Variants in PTAR1 observed in about 807,000 individuals in gnomAD.
The protein encoded by PTAR1 is protein prenyltransferase alpha subunit repeat containing 1, also known as protein prenyltransferase alpha subunit repeat-containing protein 1.
In PTAR1, 17 loss-of-function variants were observed where a neutral mutation model predicts 45.5. That is an observed-to-expected ratio of 0.37 (90% CI 0.26 to 0.56). The LOEUF (loss-of-function observed/expected upper bound fraction) is 0.56, where lower values mean the gene tolerates loss of function less well. Ranked by LOEUF, PTAR1 falls within the 20% of genes least tolerant of loss-of-function variation. The probability of loss-of-function intolerance (pLI) is 0.77; values close to 1 mark genes in which losing one functional copy is unlikely to be tolerated. For missense variants in PTAR1, 391 were observed against 476.3 expected (o/e 0.82, Z 1.67); for synonymous variants, 169 against 171.3 (o/e 0.99, Z 0.11).
Position 69,716,895 on chromosome 9 carries a change from C to T in PTAR1, c.*1447G>A, listed in dbSNP as rs1032680540. On this transcript the variant is annotated 3_prime_UTR_variant, in exon 8 of 8. Coordinates refer to ENST00000340434, the MANE Select transcript of PTAR1 (RefSeq NM_001099666.2). ...CCTGAAGTAAGAAAGGAAAGGTATA[C>T]AAAAATGACACACAAAAGTGACAAA... is the stretch of plus-strand genomic sequence containing the variant. 3 of 151,946 alleles carry T rather than the reference C, an allele frequency of 2.0e-5. No homozygotes were observed. The highest frequency in any genetic ancestry group is 4.4e-5 in the Non-Finnish European group (3 of 67,972). The allele number at this position is 151,946 out of a possible 1,614,324, so 9.4% of individuals were successfully genotyped here. A position where few individuals can be genotyped will look rare whatever the true frequency, so the allele number is the denominator to read the frequency against.
At chr9:69,730,003 A>G (rs1487696556) in intron 5 of PTAR1, among the ~76,000 whole-genome samples, 1 of 152,104 alleles carries the variant, frequency 6.6e-6, no homozygotes, top group Non-Finnish European at 1.5e-5. Context: ...GGCTCATTTC[A>G]TATATATTTT....
rs1007754251 is a variant in PTAR1 at position 69,759,776 on chromosome 9, C to A, written c.86+77G>T. 4.3e-6 allele frequency: 6 copies of A among 1,392,414 alleles called. No homozygotes were observed. In the African/African-American group the frequency reaches 9.4e-5, roughly 22 times the overall value. 86.3% of individuals were successfully genotyped at this position (1,392,414 alleles called of 1,614,324 possible). ...CAGGACCCGCTGTCCGCCCGCCGCC[C>A]GAGGTCGGGTGGACGCTTGGCCCCG... On this transcript the variant is annotated intron_variant, in intron 1 of 7. Coordinates refer to ENST00000340434, the MANE Select transcript of PTAR1 (RefSeq NM_001099666.2).
At chr9:69,750,711 G>T in intron 2 of PTAR1, 70 bp downstream of exon 2, 1 of 1,105,952 alleles carries the variant, frequency 9.0e-7, no homozygotes, top group Non-Finnish European at 1.3e-6. Flanking sequence ...GACACTCAGA[G>T]AAGGGCTCTT....
intron 3 of PTAR1, among the ~76,000 whole-genome samples, chr9:69,735,451 T>C (rs934483652): frequency 2.0e-5 from 3 of 152,202 alleles, no homozygotes; most frequent in Non-Finnish European, 4.4e-5. Flanking sequence ...AGTCTGAACA[T>C]GTTCGCTACA....
chr9:69,759,971 T>G lies in PTAR1; in HGVS notation c.-33A>C. The G allele has an allele frequency of 2.1e-6, 3 of 1,442,698 alleles. No individual in the cohort carries two copies. The highest frequency in any genetic ancestry group is 2.8e-6 in the Non-Finnish European group (3 of 1,089,562). The allele number at this position is 1,442,698 out of a possible 1,614,324, so 89.4% of individuals were successfully genotyped here. On this transcript the variant is annotated 5_prime_UTR_variant, in exon 1 of 8. Transcript: ENST00000340434. ...GCGGCCGCGACAGTTCGGGCGCGCC[T>G]CCGCGTGAGCCGGGCCGCCGGCGGG...
intron 3 of PTAR1, among the ~76,000 whole-genome samples, chr9:69,735,299 A>G (rs1233061454): frequency 2.0e-5 from 3 of 152,200 alleles, no homozygotes; most frequent in Non-Finnish European, 4.4e-5. Context: ...CAAGTCCTTG[A>G]TATAAAATGT....
At chr9:69,718,596 T>TC (rs920865234) in intron 7 of PTAR1, 28 bp from the exon 8 acceptor site, 1 of 1,613,130 alleles carries the variant, frequency 6.2e-7, no homozygotes, top group Non-Finnish European at 8.5e-7. Flanking sequence ...TCACTCAAAG[T>TC]CCCCCCAGGG....
rs914950547 is a variant in PTAR1, at chr9:69,713,275, G to T, written c.*5067C>A. The T allele has an allele frequency of 1.3e-5, 2 of 151,958 alleles. No homozygotes were observed. Among genetic ancestry groups the T allele is most frequent in the Admixed American group, 1.3e-4 (2 of 15,244 alleles). 9.4% of individuals were successfully genotyped at this position (151,958 alleles called of 1,614,324 possible). ...AGAGAAGTCAAAGTTGGGAGCCTGAGGTTTCCTCTCCCACCTGAGATCCAC... is the reference window on the plus strand; with the variant it reads ...AGAGAAGTCAAAGTTGGGAGCCTGATGTTTCCTCTCCCACCTGAGATCCAC... On this transcript the variant is annotated 3_prime_UTR_variant, in exon 8 of 8. Coordinates refer to ENST00000340434, the MANE Select transcript of PTAR1 (RefSeq NM_001099666.2).
intron 1 of PTAR1, among the ~76,000 whole-genome samples, chr9:69,753,392 T>C (rs1160776466): frequency 6.6e-6 from 1 of 152,154 alleles, no homozygotes; most frequent in African/African-American, 2.4e-5. Flanking sequence ...AGTGATAATA[T>C]TCAAATTAAT....
At chr9:69,726,513 GA>G (rs960615741) in intron 5 of PTAR1, among the ~76,000 whole-genome samples, 1 of 151,830 alleles carries the variant, frequency 6.6e-6, no homozygotes, top group East Asian at 1.9e-4. Flanking sequence ...CTGGAACAAA[GA>G]AAAAAACTTT....
chr9:69,757,803 C>T (rs1446577615), intron 1 of PTAR1: 1 of 150,038 alleles, frequency 6.7e-6, no homozygotes, highest in East Asian at 1.9e-4. Flanking sequence ...AGTAAATGGG[C>T]TAAATTAAGG....
At chr9:69,754,280 G>T (rs1297084976) in intron 1 of PTAR1, among the ~76,000 whole-genome samples, 1 of 152,042 alleles carries the variant, frequency 6.6e-6, no homozygotes, top group African/African-American at 2.4e-5. Context: ...GGTTTATGAG[G>T]ATTATCTAAG....
intron 2 of PTAR1, among the ~76,000 whole-genome samples, chr9:69,750,278 A>T (rs750715729): frequency 7.9e-5 from 12 of 152,090 alleles, no homozygotes; most frequent in Admixed American, 2.0e-4. Flanking sequence ...GCCAGAGCTC[A>T]ACTGGAACTT....
At chr9:69,731,978 T>C in intron 5 of PTAR1, 161 bp downstream of exon 5, 1 of 608,522 alleles carries the variant, frequency 1.6e-6, no homozygotes. Flanking sequence ...AGCTTTTTAT[T>C]TAATTACAGG....
chr9:69,732,016 A>T (rs1262023126), intron 5 of PTAR1, 123 bp downstream of exon 5: 2 of 667,994 alleles, frequency 3.0e-6, no homozygotes. Flanking sequence ...AGCTGTTGCG[A>T]TTCTCTCAAG....
At chr9:69,727,030 C>T (rs946371044) in intron 5 of PTAR1, among the ~76,000 whole-genome samples, 9 of 138,444 alleles carry the variant, frequency 6.5e-5, no homozygotes, top group South Asian at 2.4e-4. Context: ...TGTATATACA[C>T]ACACACACAC....
Position 69,732,125 on chromosome 9 carries a change from A to C in PTAR1, c.642+14T>G, listed in dbSNP as rs773778071. 1.3e-6 allele frequency: 2 copies of C among 1,591,114 alleles called. No homozygotes were observed. The highest frequency in any genetic ancestry group is 2.2e-5 in the South Asian group (2 of 90,530). On this transcript the variant is annotated intron_variant, in intron 5 of 7. Transcript: ENST00000340434. Reference sequence around the variant, plus strand: ...CAGACAGGCAGTCTGCCCAGGAGACAGTAATATTCCTACCTTGACATCTAG... The same window carrying C: ...CAGACAGGCAGTCTGCCCAGGAGACCGTAATATTCCTACCTTGACATCTAG...
Position 69,750,578 on chromosome 9 carries a change from C to CACAGTGA in PTAR1, c.256+202_256+203insTCACTGT, listed in dbSNP as rs576355037. Among the ~76,000 whole-genome samples the CACAGTGA allele has an allele frequency of 4.3e-4, 65 of 150,978 alleles. No homozygotes were observed. The South Asian group carries it at 0.013, about 30-fold the overall frequency. On this transcript the variant is annotated intron_variant, in intron 2 of 7. Transcript: ENST00000340434. ...GGTGCCCTGAAATTCTGCTTGAGGG[C>CACAGTGA]TTCTATATAATCACTGTGGTTGTAA...
At chr9:69,737,013 GT>G (rs1825818664) in intron 3 of PTAR1, among the ~76,000 whole-genome samples, 1 of 152,050 alleles carries the variant, frequency 6.6e-6, no homozygotes, top group Non-Finnish European at 1.5e-5. Flanking sequence ...GCTGAAACAA[GT>G]TTTTCAAAAA....
Sources: gnomAD v4.1 joint callset for allele counts (sites outside exome capture counted in the v4.1 genomes callset) on GRCh38, gnomAD v4.1.1 for gene constraint, MANE v1.5 for transcripts, NCBI Gene and HGNC (gene_info 2026-07-23, HGNC 2026-07-21) for gene names.